Variants in TTLL11 observed in about 807,000 individuals in gnomAD.
TTLL11 encodes the protein tubulin tyrosine ligase like 11, also known as tubulin polyglutamylase TTLL11.
In TTLL11, 42 loss-of-function variants were observed where a neutral mutation model predicts 51.7. The ratio of observed to expected loss-of-function variants is 0.81; its 90% CI spans 0.64 to 1.05. The LOEUF (loss-of-function observed/expected upper bound fraction) is 1.05. TTLL11 is among the 50% of genes least tolerant of loss of function. The pLI, the probability that TTLL11 is intolerant of heterozygous loss-of-function variation, is 0.00. For missense variants in TTLL11, 799 were observed against 940.4 expected (o/e 0.85, Z 1.97); for synonymous variants, 381 against 383.5 (o/e 0.99, Z 0.08).
At chr9:121,847,921 G>A (rs1170948053) in intron 8 of TTLL11, among the ~76,000 whole-genome samples, 2 of 152,188 alleles carry the variant, frequency 1.3e-5, no homozygotes, top group South Asian at 2.1e-4. Flanking sequence ...TCAGCAAATT[G>A]AATCACAGGC....
intron 7 of TTLL11, among the ~76,000 whole-genome samples, chr9:121,860,823 T>C (rs1453099059): frequency 6.6e-6 from 1 of 152,204 alleles, no homozygotes; most frequent in Non-Finnish European, 1.5e-5. Flanking sequence ...AAATGTTTGT[T>C]GTTTAAGCCA....
At chr9:121,846,641 A>G (rs1837521970) in intron 8 of TTLL11, among the ~76,000 whole-genome samples, 1 of 152,224 alleles carries the variant, frequency 6.6e-6, no homozygotes, top group South Asian at 2.1e-4. Flanking sequence ...ACGGTTGAGA[A>G]GTCCCCAGAT....
intron 2 of TTLL11, among the ~76,000 whole-genome samples, chr9:122,033,111 T>C (rs527885721): frequency 6.6e-6 from 1 of 152,258 alleles, no homozygotes; most frequent in South Asian, 2.1e-4. Flanking sequence ...TCATCCTTAT[T>C]TCTTTTTCTT....
chr9:122,043,540 A>T (rs573105046), intron 1 of TTLL11, among the ~76,000 whole-genome samples: 4 of 152,314 alleles, frequency 2.6e-5, no homozygotes, highest in African/African-American at 9.6e-5. Context: ...AGGCCTAATC[A>T]TATGAGAAAA....
At chr9:122,060,486 C>T (rs977333840) in intron 1 of TTLL11, among the ~76,000 whole-genome samples, 3 of 152,194 alleles carry the variant, frequency 2.0e-5, no homozygotes, top group African/African-American at 4.8e-5. Context: ...AAAGCCAAGA[C>T]GTTAACTTAA....
At chr9:122,026,894 A>G (rs561603665) in intron 3 of TTLL11, among the ~76,000 whole-genome samples, 1 of 146,640 alleles carries the variant, frequency 6.8e-6, no homozygotes, top group East Asian at 2.0e-4. Context: ...GACAAATCCA[A>G]ATGTAAGTTC....
intron 6 of TTLL11, among the ~76,000 whole-genome samples, chr9:121,872,245 C>T (rs1838384290): frequency 6.6e-6 from 1 of 152,230 alleles, no homozygotes; most frequent in South Asian, 2.1e-4. Context: ...TTCTGTTCCA[C>T]TTTCAAAACC....
intron 7 of TTLL11, among the ~76,000 whole-genome samples, chr9:121,869,936 C>T (rs1209723860): frequency 6.6e-6 from 1 of 152,192 alleles, no homozygotes; most frequent in Non-Finnish European, 1.5e-5. Context: ...TTGCAGGCTG[C>T]AGCAAAGATA....
intron 3 of TTLL11, 73 bp downstream of exon 3, chr9:122,031,650 C>T (rs1265490186): frequency 1.1e-5 from 17 of 1,548,638 alleles, no homozygotes; most frequent in Non-Finnish European, 1.4e-5. Flanking sequence ...TCCCAGCTCC[C>T]AGCACACAGG....
intron 6 of TTLL11, among the ~76,000 whole-genome samples, chr9:121,964,797 T>C (rs190772528): frequency 6.6e-5 from 10 of 152,150 alleles, no homozygotes; most frequent in Non-Finnish European, 1.3e-4. Flanking sequence ...CAAATCCTAC[T>C]CACGCTTTAA....
intron 8 of TTLL11, among the ~76,000 whole-genome samples, chr9:121,827,567 A>T (rs1310457349): frequency 6.6e-6 from 1 of 152,156 alleles, no homozygotes; most frequent in South Asian, 2.1e-4. Flanking sequence ...GTCTCCACTG[A>T]CAGACGGTCC....
At chr9:121,999,243 C>G (rs1176521513) in intron 3 of TTLL11, among the ~76,000 whole-genome samples, 1 of 152,200 alleles carries the variant, frequency 6.6e-6, no homozygotes, top group Non-Finnish European at 1.5e-5. Flanking sequence ...CCAACCACTT[C>G]CTGGACTTCA....
At chr9:121,867,382 G>A (rs943725419) in intron 7 of TTLL11, among the ~76,000 whole-genome samples, 2 of 152,028 alleles carry the variant, frequency 1.3e-5, no homozygotes, top group African/African-American at 2.4e-5. Context: ...TTCCCTCCCC[G>A]ACCTTGTCTA....
At chr9:122,032,731 T>C (rs1013948147) in intron 2 of TTLL11, among the ~76,000 whole-genome samples, 3 of 151,924 alleles carry the variant, frequency 2.0e-5, no homozygotes, top group South Asian at 2.1e-4. Flanking sequence ...GTACTATATA[T>C]TGTAGCAAAT....
chr9:121,878,443 T>C (rs1421543358), intron 6 of TTLL11, among the ~76,000 whole-genome samples: 1 of 152,164 alleles, frequency 6.6e-6, no homozygotes, highest in African/African-American at 2.4e-5. Context: ...GTCGACTATA[T>C]GAATTAACAA....
intron 3 of TTLL11, among the ~76,000 whole-genome samples, chr9:122,021,780 C>G (rs1167192735): frequency 6.6e-6 from 1 of 152,118 alleles, no homozygotes; most frequent in African/African-American, 2.4e-5. Flanking sequence ...TTCACTATAT[C>G]TGTCACCCAG....
chr9:121,944,235 C>T (rs537089423), intron 6 of TTLL11, among the ~76,000 whole-genome samples: 82 of 152,234 alleles, frequency 5.4e-4, no homozygotes, highest in African/African-American at 1.9e-3. Flanking sequence ...GGGCCTGGTG[C>T]GGTGGCTCAC....
intron 6 of TTLL11, among the ~76,000 whole-genome samples, chr9:121,941,163 C>T (rs935787981): frequency 1.3e-5 from 2 of 152,226 alleles, no homozygotes; most frequent in African/African-American, 4.8e-5. Flanking sequence ...CAAAGGCTTA[C>T]TCTTTACCTT....
At chr9:121,848,939 A>G (rs979689201) in intron 8 of TTLL11, among the ~76,000 whole-genome samples, 3 of 152,262 alleles carry the variant, frequency 2.0e-5, no homozygotes, top group Non-Finnish European at 2.9e-5. Flanking sequence ...AATAGCAAAC[A>G]TAACACTGAA....
Sources: allele counts gnomAD v4.1 joint callset (sites outside exome capture counted in the v4.1 genomes callset), GRCh38; gene constraint gnomAD v4.1.1; transcripts MANE v1.5; gene names NCBI Gene and HGNC (gene_info 2026-07-23, HGNC 2026-07-21).